The following GLIS3 variants were observed in gnomAD, a reference collection of about 807,000 sequenced individuals.
GLIS3 encodes the protein zinc finger protein GLIS3.
A neutral mutation model predicts 78.6 loss-of-function variants in GLIS3; 53 were observed. The ratio of observed to expected loss-of-function variants is 0.67; its 90% CI spans 0.54 to 0.85. The LOEUF (loss-of-function observed/expected upper bound fraction) is 0.85, where lower values mean the gene tolerates loss of function less well. Among genes scored for constraint, GLIS3 ranks in the 40% least tolerant of loss-of-function variants. GLIS3 has a pLI of 0.00. For synonymous variants in GLIS3, 684 were observed against 509.9 expected (o/e 1.34, Z -4.60); for missense variants, 1,703 against 1,231.1 (o/e 1.38, Z -5.74).
chr9:3,849,364 A>G (rs375343533), intron 9 of GLIS3, among the ~76,000 whole-genome samples: 1 of 152,210 alleles, frequency 6.6e-6, no homozygotes, highest in Non-Finnish European at 1.5e-5. Context: ...AAGTATGGCA[A>G]TGCGCTAAAA....
At chr9:4,138,631 A>G (rs986753600) in intron 2 of GLIS3, among the ~76,000 whole-genome samples, 4 of 152,146 alleles carry the variant, frequency 2.6e-5, no homozygotes, top group Admixed American at 1.3e-4. Context: ...AGAATGAGAC[A>G]CTAGGGCCAG....
intron 1 of GLIS3, among the ~76,000 whole-genome samples, chr9:4,290,921 A>G (rs1815914539): frequency 6.6e-6 from 1 of 152,106 alleles, no homozygotes; most frequent in Non-Finnish European, 1.5e-5. Flanking sequence ...GGAGGATACT[A>G]TATTATGATA....
intron 2 of GLIS3, among the ~76,000 whole-genome samples, chr9:4,237,867 C>A (rs1822913577): frequency 6.6e-6 from 1 of 152,188 alleles, no homozygotes; most frequent in Non-Finnish European, 1.5e-5. Context: ...AGCATTTTAT[C>A]AGTTTGATGT....
chr9:4,182,534 T>C (rs1817422498), intron 2 of GLIS3, among the ~76,000 whole-genome samples: 1 of 152,184 alleles, frequency 6.6e-6, no homozygotes, highest in African/African-American at 2.4e-5. Flanking sequence ...GATTAAAAAC[T>C]GAGAAAAGAT....
chr9:4,335,258 T>C (rs1672970183), intron 2 of GLIS3, among the ~76,000 whole-genome samples: 1 of 152,054 alleles, frequency 6.6e-6, no homozygotes, highest in Non-Finnish European at 1.5e-5. Flanking sequence ...TTGAAACAAA[T>C]TAGAAGCATA....
At chr9:4,280,556 G>A (rs544758324) in intron 2 of GLIS3, among the ~76,000 whole-genome samples, 9 of 152,082 alleles carry the variant, frequency 5.9e-5, no homozygotes, top group African/African-American at 1.9e-4. Context: ...ACAGCAGAAG[G>A]CCAGATCAAA....
intron 8 of GLIS3, among the ~76,000 whole-genome samples, chr9:3,871,050 CA>C (rs1820937640): frequency 6.6e-6 from 1 of 152,128 alleles, no homozygotes; most frequent in Admixed American, 6.5e-5. Context: ...AGGAATTGGC[CA>C]AAACAGAGGG....
At chr9:4,086,204 T>C (rs747484406) in intron 4 of GLIS3, among the ~76,000 whole-genome samples, 34 of 152,192 alleles carry the variant, frequency 2.2e-4, no homozygotes, top group South Asian at 6.2e-4. Context: ...ATCACTCTTT[T>C]GGCATGTAAT....
chr9:4,428,987 C>T, the GLIS3 span, among the ~76,000 whole-genome samples: 1 of 152,130 alleles, frequency 6.6e-6, no homozygotes, highest in Non-Finnish European at 1.5e-5. Flanking sequence ...TTTCCAAAAC[C>T]TCATCCTAGT....
chr9:3,992,198 T>C (rs562238190), intron 4 of GLIS3, among the ~76,000 whole-genome samples: 18 of 152,332 alleles, frequency 1.2e-4, no homozygotes, highest in African/African-American at 4.1e-4. Flanking sequence ...GTGGCATTTA[T>C]TTTCACTTTA....
chr9:3,856,961 A>G (rs371788346), intron 8 of GLIS3, among the ~76,000 whole-genome samples: 2 of 152,262 alleles, frequency 1.3e-5, no homozygotes, highest in African/African-American at 2.4e-5. Context: ...TGATCTTCCA[A>G]TTGTGAAGGA....
intron 4 of GLIS3, among the ~76,000 whole-genome samples, chr9:3,948,069 C>T (rs1434428797): frequency 6.6e-6 from 1 of 152,206 alleles, no homozygotes; most frequent in East Asian, 1.9e-4. Flanking sequence ...CACTGCAGCT[C>T]CATCGTCCTA....
chr9:4,101,624 T>C (rs1830378934), intron 4 of GLIS3, among the ~76,000 whole-genome samples: 1 of 152,224 alleles, frequency 6.6e-6, no homozygotes, highest in African/African-American at 2.4e-5. Flanking sequence ...CCAATAATTA[T>C]ACCTACTATA....
At chr9:4,009,660 G>C (rs767667777) in intron 4 of GLIS3, among the ~76,000 whole-genome samples, 1 of 152,186 alleles carries the variant, frequency 6.6e-6, no homozygotes, top group Admixed American at 6.5e-5. Flanking sequence ...AGTTCCAGAA[G>C]AGCAAAGAGG....
At chr9:4,304,815 G>T (rs908850057), upstream of GLIS3, among the ~76,000 whole-genome samples, 2 of 152,148 alleles carry the variant, frequency 1.3e-5, no homozygotes, top group African/African-American at 4.8e-5. Flanking sequence ...AAAACTTGGA[G>T]ATTTTCCACA....
At chr9:4,407,469 C>A in the GLIS3 span, among the ~76,000 whole-genome samples, 1 of 152,088 alleles carries the variant, frequency 6.6e-6, no homozygotes. Context: ...CACTGTGAAA[C>A]CCCGTCTCTA....
chr9:4,181,527 C>T (rs144372405), intron 2 of GLIS3, among the ~76,000 whole-genome samples: 168 of 152,324 alleles, frequency 1.1e-3, no homozygotes, highest in South Asian at 3.7e-3. Flanking sequence ...CCATCATCAT[C>T]ACCTCCTTCC....
chr9:4,297,934 G>A (rs1479538118), intron 1 of GLIS3, among the ~76,000 whole-genome samples: 2 of 146,380 alleles, frequency 1.4e-5, no homozygotes, highest in South Asian at 2.1e-4. Flanking sequence ...CCTCGGCGCG[G>A]AGCTAGGGGC....
At chr9:4,106,120 C>A (rs989917327) in intron 4 of GLIS3, among the ~76,000 whole-genome samples, 1 of 152,178 alleles carries the variant, frequency 6.6e-6, no homozygotes, top group Non-Finnish European at 1.5e-5. Context: ...TCCACCAACA[C>A]CTTAGACAAG....
Sources: gnomAD v4.1 joint callset for allele counts (sites outside exome capture counted in the v4.1 genomes callset) on GRCh38, gnomAD v4.1.1 for gene constraint, MANE v1.5 for transcripts, NCBI Gene and HGNC (gene_info 2026-07-23, HGNC 2026-07-21) for gene names.